The following ERMARD variants were observed in gnomAD, a reference collection of about 807,000 sequenced individuals.
ERMARD encodes the protein endoplasmic reticulum membrane-associated RNA degradation protein.
A neutral mutation model predicts 83.9 loss-of-function variants in ERMARD; 71 were observed. The ratio of observed to expected loss-of-function variants is 0.85; its 90% CI spans 0.70 to 1.03. The LOEUF is 1.03. Among genes scored for constraint, ERMARD ranks in the 50% least tolerant of loss-of-function variants. ERMARD has a pLI of 0.00. For synonymous variants in ERMARD, 284 were observed against 298.6 expected, an observed-to-expected ratio of 0.95 and a Z score of 0.50; for missense variants, 838 against 810.9, an observed-to-expected ratio of 1.03 and a Z score of -0.41.
At position 169,775,252 on chromosome 6, in the gene ERMARD, T is replaced by G; in HGVS notation, c.1318-18T>G. ...GTTACTGTGAAATCTACAAAAGCAA[T>G]AAAACATTTCCTCCCAGGTGCTGAG... is the stretch of plus-strand genomic sequence containing the variant. On this transcript the variant is annotated intron_variant, in intron 13 of 17. Transcript: ENST00000366773. 1 of 1,613,250 alleles carries G rather than the reference T, an allele frequency of 6.2e-7. No individual in the cohort carries two copies. Among genetic ancestry groups the G allele is most frequent in the Non-Finnish European group, 8.5e-7 (1 of 1,179,634 alleles).
chr6:169,757,919 A>G (rs1791019585), intron 5 of ERMARD, among the ~76,000 whole-genome samples: 1 of 152,238 alleles, frequency 6.6e-6, no homozygotes, highest in South Asian at 2.1e-4. Flanking sequence ...GTACTTGCTT[A>G]TATGTGATGG....
In ERMARD at chr6:169,753,943, G is replaced by C. The variant is rs747912142; in HGVS notation, c.86G>C (p.Arg29Thr). 1.2e-6 allele frequency: 2 copies of C among 1,613,784 alleles called. No homozygotes were observed. Among genetic ancestry groups the C allele is most frequent in the Non-Finnish European group, 1.7e-6 (2 of 1,179,846 alleles). Residue 29 changes from arginine (R) to threonine (T), a missense_variant, in exon 2 of 18, where the codon AGA becomes ACA. By Grantham distance (71) the Arg-to-Thr change is moderately conservative. Transcript: ENST00000366773. The stretch of plus-strand genomic sequence containing the variant: ...ATTTGTAATCTTGGGTTTCAACTCA[G>C]AGAAAATTGTGATATCAATAGCATT... ...DIICNLGFQL[R>T]ENCDINSIVT...
intron 14 of ERMARD, 169 bp from the exon 15 acceptor site, chr6:169,775,771 C>G: frequency 4.7e-6 from 4 of 843,162 alleles, no homozygotes; most frequent in Non-Finnish European, 7.1e-6. Flanking sequence ...CATATGGCAT[C>G]GTTTGTTTCT....
chr6:169,766,194 A>C (rs6459662), intron 9 of ERMARD, among the ~76,000 whole-genome samples: 141,273 of 152,306 alleles, frequency 0.93, 65,682 homozygotes, highest in East Asian at 1. Context: ...TCAGGACAGC[A>C]CATGTCTGTA....
intron 12 of ERMARD, 22 bp downstream of exon 12, chr6:169,769,735 CATT>C: frequency 2.6e-6 from 4 of 1,555,704 alleles, no homozygotes; most frequent in Non-Finnish European, 3.5e-6. Context: ...GGAAGAAAAT[CATT>C]AATTAGATTA....
intron 8 of ERMARD, 51 bp downstream of exon 8, chr6:169,760,807 T>G (rs374210459): frequency 5.7e-6 from 7 of 1,238,074 alleles, no homozygotes; most frequent in Non-Finnish European, 8.2e-6. Context: ...GAGGCCATTC[T>G]TTCTTGATGC....
chr6:169,752,941 T>C (rs1320850454), intron 1 of ERMARD: 1 of 152,212 alleles, frequency 6.6e-6, no homozygotes, highest in African/African-American at 2.4e-5. Flanking sequence ...AAAAAGTTTA[T>C]TCTTGGACAG....
At chr6:169,768,299 G>A in intron 11 of ERMARD, 128 bp downstream of exon 11, 1 of 795,154 alleles carries the variant, frequency 1.3e-6, no homozygotes, top group Non-Finnish European at 2.0e-6. Flanking sequence ...TTGCTGTGCT[G>A]TCTCAGCTTC....
In ERMARD at chr6:169,776,030, T is replaced by G; in HGVS notation, c.1485T>G (p.Cys495Trp). Residue 495 changes from cysteine (C) to tryptophan (W), a missense_variant, in exon 15 of 18, where the codon TGT (cysteine) becomes TGG (tryptophan). Physicochemically the swap from Cys to Trp is radical, Grantham distance 215. Coordinates refer to ENST00000366773, the MANE Select transcript of ERMARD (RefSeq NM_018341.3). ...ELYHHMPENR[C>W]VLKDLDRLPT... is the part of the protein sequence containing the mutation. Reference sequence around the variant, plus strand: ...ATCACCATATGCCTGAGAATCGTTGTGTGTTAAAGGACTTGGATCGTCTTC... The same window carrying G: ...ATCACCATATGCCTGAGAATCGTTGGGTGTTAAAGGACTTGGATCGTCTTC... 1 of 1,614,220 alleles carries G rather than the reference T, an allele frequency of 6.2e-7. No homozygotes were observed. The highest frequency in any genetic ancestry group is 8.5e-7 in the Non-Finnish European group (1 of 1,180,040).
At chr6:169,769,487 GTC>G in intron 11 of ERMARD, 51 bp from the exon 12 acceptor site, 2 of 1,501,566 alleles carry the variant, frequency 1.3e-6, no homozygotes, top group Non-Finnish European at 8.9e-7. Flanking sequence ...CACCAGGCAC[GTC>G]TCTCTGCTGC....
rs758275108 is a variant in ERMARD, at chr6:169,769,730, A to G, written c.1233+17A>G. The G allele has an allele frequency of 6.4e-7, 1 of 1,567,522 alleles. No individual in the cohort carries two copies. Among genetic ancestry groups the G allele is most frequent in the Admixed American group, 1.9e-5 (1 of 52,748 alleles). On this transcript the variant is annotated intron_variant, in intron 12 of 17. Coordinates refer to ENST00000366773, the MANE Select transcript of ERMARD (RefSeq NM_018341.3). ...GTTTTTAAGGTAATTTATAGGGAAG[A>G]AAATCATTAATTAGATTAACTCATT...
At chr6:169,778,612 G>A (rs1034656009) in intron 16 of ERMARD, among the ~76,000 whole-genome samples, 4 of 152,222 alleles carry the variant, frequency 2.6e-5, no homozygotes, top group African/African-American at 9.6e-5. Flanking sequence ...TTCCCCTCCA[G>A]AAAGGTGCTG....
At chr6:169,777,308 C>G (rs1274337749) in intron 16 of ERMARD, among the ~76,000 whole-genome samples, 1 of 152,216 alleles carries the variant, frequency 6.6e-6, no homozygotes, top group Non-Finnish European at 1.5e-5. Flanking sequence ...GGGAGAAATT[C>G]AGCAGAACTC....
chr6:169,763,751 A>C (rs541917252), intron 9 of ERMARD, among the ~76,000 whole-genome samples: 1 of 152,180 alleles, frequency 6.6e-6, no homozygotes, highest in African/African-American at 2.4e-5. Context: ...TCTCTGGGGG[A>C]ACAACAATTA....
At chr6:169,760,518 G>C (rs1325352656) in intron 7 of ERMARD, 124 bp from the exon 8 acceptor site, 3 of 668,422 alleles carry the variant, frequency 4.5e-6, no homozygotes, top group Non-Finnish European at 7.7e-6. Flanking sequence ...CAAGTCCCCT[G>C]CTGCAGGGGT....
chr6:169,776,236 G>A, intron 15 of ERMARD, 171 bp downstream of exon 15: 1 of 1,525,140 alleles, frequency 6.6e-7, no homozygotes. Context: ...CTCTGTGCAA[G>A]CTTGGCACAT....
At chr6:169,779,868 G>A (rs1169106769) in intron 17 of ERMARD, among the ~76,000 whole-genome samples, 3 of 152,306 alleles carry the variant, frequency 2.0e-5, no homozygotes, top group South Asian at 2.1e-4. Context: ...TGTGACACTT[G>A]TGTGACCCAC....
intron 9 of ERMARD, 109 bp from the exon 10 acceptor site, chr6:169,766,529 A>C (rs903724470): frequency 7.9e-6 from 6 of 761,632 alleles, no homozygotes; most frequent in African/African-American, 3.6e-5. Flanking sequence ...TTTAACAAAA[A>C]ACTTTGGGAT....
chr6:169,780,105 C>T (rs1794037822), intron 17 of ERMARD, among the ~76,000 whole-genome samples: 1 of 138,032 alleles, frequency 7.2e-6, no homozygotes, highest in Non-Finnish European at 1.5e-5. Context: ...GCATAGACTC[C>T]TGCTGAGAGT....
Sources: gnomAD v4.1 joint callset for allele counts (sites outside exome capture counted in the v4.1 genomes callset) on GRCh38, gnomAD v4.1.1 for gene constraint, MANE v1.5 for transcripts, NCBI Gene and HGNC (gene_info 2026-07-23, HGNC 2026-07-21) for gene names.